Variants in DACH2 observed in about 807,000 individuals in gnomAD.
DACH2 encodes the protein dachshund homolog 2.
A neutral mutation model predicts 35.8 loss-of-function variants in DACH2; 17 were observed. That is an observed-to-expected ratio of 0.48 (90% CI 0.33 to 0.71). The LOEUF is 0.71. Ranked by LOEUF, DACH2 falls within the 30% of genes least tolerant of loss-of-function variation. The pLI, the probability that DACH2 is intolerant of heterozygous loss-of-function variation, is 0.02. For synonymous variants in DACH2, 195 were observed against 177.3 expected (o/e 1.10, Z -0.79); for missense variants, 469 against 472.7 (o/e 0.99, Z 0.07).
chrX:86,264,017 A>T lies in DACH2; in HGVS notation c.489-112807A>T, dbSNP rs374755335. 8.0e-5 allele frequency among the ~76,000 whole-genome samples: 9 copies of T among 112,303 alleles called. No homozygotes were observed. In the South Asian group the frequency reaches 3.3e-3, roughly 41 times the overall value. On this transcript the variant is annotated intron_variant, in intron 1 of 11. Coordinates refer to ENST00000373125, the MANE Select transcript of DACH2 (RefSeq NM_053281.3). ...TAGTATAATTTTATAAAGCAGTCATAGGTAGTTGAATAATATTTTTAAAAA... is the reference window on the plus strand; with the variant it reads ...TAGTATAATTTTATAAAGCAGTCATTGGTAGTTGAATAATATTTTTAAAAA...
At chrX:86,616,380 C>A (rs1293296634) in intron 3 of DACH2, among the ~76,000 whole-genome samples, 1 of 112,075 alleles carries the variant, frequency 8.9e-6, no homozygotes, top group Admixed American at 9.5e-5. Context: ...CTACTTCACA[C>A]TCCCATCTAC....
chrX:86,814,631 A>C lies in DACH2; in HGVS notation c.1538-57A>C, dbSNP rs865784898. 5.2e-5 allele frequency: 58 copies of C among 1,115,722 alleles called. No homozygotes were observed. In the Middle Eastern group the frequency reaches 1.7e-3, roughly 33 times the overall value. The allele number at this position is 1,115,722 out of a possible 1,213,427, so 91.9% of individuals were successfully genotyped here. ...TATATCTGTGGCTTATAATTCATCA[A>C]AACTGGCATCCCTATTTCATTGCTC... On this transcript the variant is annotated intron_variant, in intron 9 of 11. Transcript: ENST00000373125.
At chrX:86,730,116 G>A (rs1486128893) in intron 6 of DACH2, among the ~76,000 whole-genome samples, 1 of 110,725 alleles carries the variant, frequency 9.0e-6, no homozygotes, top group Non-Finnish European at 1.9e-5. Context: ...TTAAGCTGAT[G>A]CCTGTGCTAA....
At chrX:86,313,585 C>T (rs1013957289) in intron 1 of DACH2, among the ~76,000 whole-genome samples, 2 of 112,132 alleles carry the variant, frequency 1.8e-5, no homozygotes, top group African/African-American at 6.5e-5. Flanking sequence ...CATCACTTTC[C>T]TCACTTGTAA....
intron 1 of DACH2, among the ~76,000 whole-genome samples, chrX:86,315,812 CACACACA>C (rs2034890163): frequency 1.0e-5 from 1 of 96,438 alleles, no homozygotes; most frequent in East Asian, 3.4e-4. Context: ...CACACACACA[CACACACA>C]CACACACACA....
intron 5 of DACH2, among the ~76,000 whole-genome samples, chrX:86,700,101 T>G (rs1166311165): frequency 1.0e-5 from 1 of 98,520 alleles, no homozygotes; most frequent in African/African-American, 3.5e-5. Flanking sequence ...TGAAGATTGT[T>G]TTATGTTTGA....
chrX:86,182,112 A>C (rs1356130919), intron 1 of DACH2, among the ~76,000 whole-genome samples: 3 of 111,708 alleles, frequency 2.7e-5, no homozygotes, highest in Non-Finnish European at 5.6e-5. Flanking sequence ...CAGATTGCAA[A>C]AATTTTCTCC....
chrX:86,807,299 C>T (rs995485737), intron 7 of DACH2, among the ~76,000 whole-genome samples: 1 of 111,948 alleles, frequency 8.9e-6, no homozygotes, highest in African/African-American at 3.2e-5. Context: ...ATTTATATTG[C>T]ATTTACTTTG....
intron 1 of DACH2, among the ~76,000 whole-genome samples, chrX:86,273,550 T>C (rs780936796): frequency 1.8e-4 from 20 of 112,341 alleles, no homozygotes; most frequent in Non-Finnish European, 3.4e-4. Context: ...AAAAGTTTCC[T>C]TTCAAGCAAA....
At chrX:86,633,204 C>T (rs964101869) in intron 3 of DACH2, among the ~76,000 whole-genome samples, 2 of 110,207 alleles carry the variant, frequency 1.8e-5, no homozygotes, top group Admixed American at 9.7e-5. Context: ...ATGGATAAAG[C>T]TCTAGTTGGA....
chrX:86,317,731 A>T (rs1470237898), intron 1 of DACH2, among the ~76,000 whole-genome samples: 1 of 111,559 alleles, frequency 9.0e-6, no homozygotes, highest in South Asian at 3.8e-4. Context: ...GGAATCTCAG[A>T]TGGGACTTTT....
intron 3 of DACH2, among the ~76,000 whole-genome samples, chrX:86,555,520 G>T (rs1345799670): frequency 9.0e-6 from 1 of 111,489 alleles, no homozygotes; most frequent in Non-Finnish European, 1.9e-5. Context: ...GAGGAAAACT[G>T]CTAATTGAGA....
chrX:86,788,082 C>G (rs1158858733), intron 7 of DACH2, among the ~76,000 whole-genome samples: 1 of 111,052 alleles, frequency 9.0e-6, no homozygotes, highest in Non-Finnish European at 1.9e-5. Flanking sequence ...TAGTGGCCTG[C>G]TAGCACTTGG....
chrX:86,437,705 A>G (rs750325439), intron 2 of DACH2, among the ~76,000 whole-genome samples: 15 of 110,883 alleles, frequency 1.4e-4, no homozygotes, highest in Non-Finnish European at 2.6e-4. Context: ...TCAATTCCAT[A>G]TCTTTATTAT....
intron 2 of DACH2, among the ~76,000 whole-genome samples, chrX:86,455,159 C>T (rs986719076): frequency 9.1e-6 from 1 of 110,399 alleles, no homozygotes; most frequent in Non-Finnish European, 1.9e-5. Flanking sequence ...CCTTTGGAAG[C>T]TTTGTACCAG....
chrX:86,288,489 C>A (rs1028410241), intron 1 of DACH2, among the ~76,000 whole-genome samples: 1 of 112,021 alleles, frequency 8.9e-6, no homozygotes, highest in African/African-American at 3.2e-5. Context: ...CTCCCCCAGA[C>A]GCCTGACATA....
At chrX:86,508,827 T>C (rs987169112) in intron 2 of DACH2, among the ~76,000 whole-genome samples, 1 of 111,627 alleles carries the variant, frequency 9.0e-6, no homozygotes, top group African/African-American at 3.3e-5. Context: ...ATAAAATACC[T>C]TCACAGTTAT....
intron 1 of DACH2, among the ~76,000 whole-genome samples, chrX:86,346,288 A>T (rs1426180495): frequency 9.7e-6 from 1 of 102,611 alleles, no homozygotes; most frequent in Non-Finnish European, 2.0e-5. Context: ...TATGGGATAC[A>T]TTTTTTTTTT....
intron 1 of DACH2, among the ~76,000 whole-genome samples, chrX:86,229,003 C>G (rs747593500): frequency 8.9e-6 from 1 of 111,820 alleles, no homozygotes; most frequent in Non-Finnish European, 1.9e-5. Context: ...GTTTTTATTG[C>G]AATTGCTTTT....
Sources: allele counts gnomAD v4.1 joint callset (sites outside exome capture counted in the v4.1 genomes callset), GRCh38; gene constraint gnomAD v4.1.1; transcripts MANE v1.5; gene names NCBI Gene and HGNC (gene_info 2026-07-23, HGNC 2026-07-21).